The following LRMDA variants were observed in gnomAD, a reference collection of about 807,000 sequenced individuals.
LRMDA encodes leucine rich melanocyte differentiation associated, also known as leucine-rich melanocyte differentiation-associated protein.
In LRMDA, 18 loss-of-function variants were observed where a neutral mutation model predicts 29.8. That is an observed-to-expected ratio of 0.60 (90% CI 0.42 to 0.90). The LOEUF (loss-of-function observed/expected upper bound fraction) is 0.90. Among genes scored for constraint, LRMDA ranks in the 40% least tolerant of loss-of-function variants. The pLI, the probability that LRMDA is intolerant of heterozygous loss-of-function variation, is 0.00. For synonymous variants in LRMDA, 125 were observed against 109.4 expected (o/e 1.14, Z -0.89); for missense variants, 273 against 273.9 (o/e 1.00, Z 0.02).
At chr10:76,314,244 G>A (rs1031985013) in intron 5 of LRMDA, among the ~76,000 whole-genome samples, 3 of 151,940 alleles carry the variant, frequency 2.0e-5, no homozygotes, top group Admixed American at 2.0e-4. Context: ...TTTTTTTGTT[G>A]TTGTTTTTAA....
At chr10:76,013,017 G>A (rs1184633062) in intron 2 of LRMDA, among the ~76,000 whole-genome samples, 2 of 152,116 alleles carry the variant, frequency 1.3e-5, no homozygotes, top group African/African-American at 4.8e-5. Flanking sequence ...GGGGAGAAGG[G>A]GGAGACACAT....
At chr10:76,201,283 T>G (rs1371388015) in intron 5 of LRMDA, among the ~76,000 whole-genome samples, 1 of 151,570 alleles carries the variant, frequency 6.6e-6, no homozygotes, top group Non-Finnish European at 1.5e-5. Context: ...TTAGTAGAGA[T>G]GGAGTTTCAC....
At chr10:75,883,051 C>T (rs1205267424) in intron 2 of LRMDA, among the ~76,000 whole-genome samples, 3 of 152,204 alleles carry the variant, frequency 2.0e-5, no homozygotes, top group Admixed American at 6.5e-5. Context: ...ACCGAGGCCT[C>T]ATGCACAATC....
intron 6 of LRMDA, among the ~76,000 whole-genome samples, chr10:76,330,999 C>G (rs1424949259): frequency 6.6e-6 from 1 of 152,090 alleles, no homozygotes; most frequent in Non-Finnish European, 1.5e-5. Context: ...GGCCAGGTGC[C>G]GTGGCTCACG....
At chr10:75,712,241 C>T (rs1274787032) in intron 2 of LRMDA, among the ~76,000 whole-genome samples, 2 of 152,150 alleles carry the variant, frequency 1.3e-5, no homozygotes, top group African/African-American at 2.4e-5. Context: ...TCCCTCCCCG[C>T]CCCCCTTGTT....
intron 2 of LRMDA, among the ~76,000 whole-genome samples, chr10:75,520,254 G>A (rs1416473957): frequency 6.6e-6 from 1 of 152,154 alleles, no homozygotes; most frequent in African/African-American, 2.4e-5. Flanking sequence ...AGTTTTCCTG[G>A]ATAATATCCT....
intron 2 of LRMDA, among the ~76,000 whole-genome samples, chr10:75,598,274 T>G (rs1840826614): frequency 6.6e-6 from 1 of 152,148 alleles, no homozygotes; most frequent in Non-Finnish European, 1.5e-5. Flanking sequence ...CAACTTTCGG[T>G]AGCATTTTGC....
At chr10:75,696,012 T>C (rs1236485905) in intron 2 of LRMDA, among the ~76,000 whole-genome samples, 1 of 151,918 alleles carries the variant, frequency 6.6e-6, no homozygotes, top group Non-Finnish European at 1.5e-5. Context: ...CCTTAAGAAG[T>C]GAAAACAGTT....
intron 2 of LRMDA, among the ~76,000 whole-genome samples, chr10:75,692,337 A>G (rs556375742): frequency 1.8e-4 from 27 of 147,696 alleles, no homozygotes; most frequent in Non-Finnish European, 3.7e-4. Context: ...ATATATATGT[A>G]TATGTATTGA....
chr10:75,570,770 T>C (rs887875595), intron 2 of LRMDA, among the ~76,000 whole-genome samples: 4 of 152,214 alleles, frequency 2.6e-5, no homozygotes, highest in South Asian at 2.1e-4. Flanking sequence ...CCAGTCCTGG[T>C]ACTACTGACT....
chr10:76,161,187 C>A (rs1364963932), intron 5 of LRMDA, among the ~76,000 whole-genome samples: 1 of 152,062 alleles, frequency 6.6e-6, no homozygotes, highest in Non-Finnish European at 1.5e-5. Context: ...GGAAAGAGAT[C>A]TTGTCTCTGA....
rs542034380 is a variant in LRMDA, at chr10:75,922,087, T to C, written c.132-113921T>C. The stretch of plus-strand genomic sequence containing the variant: ...AGCAAGTCTTTCTTCTGGGTTGATA[T>C]CTGTTTCCTGCCCATCCTGGTGGCC... On this transcript the variant is annotated intron_variant, in intron 2 of 6. Transcript: ENST00000611255. Among the ~76,000 whole-genome samples, 11 of 152,322 alleles carry C rather than the reference T, an allele frequency of 7.2e-5. No homozygotes were observed. In the East Asian group the frequency reaches 1.4e-3, roughly 19 times the overall value.
chr10:75,957,142 T>C (rs1846677019), intron 2 of LRMDA, among the ~76,000 whole-genome samples: 1 of 152,250 alleles, frequency 6.6e-6, no homozygotes, highest in Admixed American at 6.5e-5. Flanking sequence ...AATGCACTGA[T>C]GATGGCACAC....
chr10:75,849,556 G>C (rs1181241823), intron 2 of LRMDA, among the ~76,000 whole-genome samples: 1 of 152,124 alleles, frequency 6.6e-6, no homozygotes, highest in Non-Finnish European at 1.5e-5. Context: ...CGAACAATGA[G>C]ATCACATAGA....
chr10:76,289,659 T>G (rs1015960345), intron 5 of LRMDA, among the ~76,000 whole-genome samples: 2 of 152,208 alleles, frequency 1.3e-5, no homozygotes, highest in African/African-American at 4.8e-5. Context: ...CGGTGAGGCA[T>G]TGGGCTTGGT....
In LRMDA at chr10:76,331,874, C is replaced by T. The variant is rs575303646; in HGVS notation, c.601+7389C>T. Reference sequence around the variant, plus strand: ...GATGCTAAAGTTTCCTTTATTTAATCGAGGTGACTAGTGATTTGACAGTAG... The same window carrying T: ...GATGCTAAAGTTTCCTTTATTTAATTGAGGTGACTAGTGATTTGACAGTAG... On this transcript the variant is annotated intron_variant, in intron 6 of 6. Transcript: ENST00000611255. 1.7e-3 allele frequency among the ~76,000 whole-genome samples: 254 copies of T among 152,188 alleles called. 1 individual carries two copies. The highest frequency in any genetic ancestry group is 5.8e-3 in the African/African-American group (242 of 41,522).
At chr10:76,070,644 G>A (rs772126211) in intron 5 of LRMDA, among the ~76,000 whole-genome samples, 2 of 152,228 alleles carry the variant, frequency 1.3e-5, no homozygotes, top group Non-Finnish European at 2.9e-5. Context: ...ACAGCAGGGG[G>A]CATTGCCCCT....
intron 4 of LRMDA, among the ~76,000 whole-genome samples, chr10:76,052,259 A>G (rs1848541887): frequency 6.6e-6 from 1 of 152,244 alleles, no homozygotes; most frequent in Admixed American, 6.5e-5. Flanking sequence ...AATTTTAAAA[A>G]CGAAACAAAA....
chr10:76,297,701 T>C (rs1468552991), intron 5 of LRMDA, among the ~76,000 whole-genome samples: 1 of 152,200 alleles, frequency 6.6e-6, no homozygotes, highest in African/African-American at 2.4e-5. Flanking sequence ...GAAACCTTGG[T>C]GACTTCTGAA....
Sources: allele counts gnomAD v4.1 joint callset (sites outside exome capture counted in the v4.1 genomes callset), GRCh38; gene constraint gnomAD v4.1.1; transcripts MANE v1.5; gene names NCBI Gene and HGNC (gene_info 2026-07-23, HGNC 2026-07-21).